Variants in NAA60 observed in about 807,000 individuals in gnomAD.
The protein encoded by NAA60 is N-alpha-acetyltransferase 60.
In NAA60, 8 loss-of-function variants were observed where a neutral mutation model predicts 26.1. That is an observed-to-expected ratio of 0.31 (90% CI 0.18 to 0.55). NAA60 has a LOEUF of 0.55. Among genes scored for constraint, NAA60 ranks in the 20% least tolerant of loss-of-function variants. The pLI is 0.93. For synonymous variants in NAA60, 131 were observed against 122.5 expected (o/e 1.07, Z -0.46); for missense variants, 290 against 311.3 (o/e 0.93, Z 0.51).
Position 3,484,584 on chromosome 16 carries a change from G to A in NAA60, c.573-115G>A, listed in dbSNP as rs186904998. ...GAGGCTTAGCGGGCTCTCAGCCTCC[G>A]AAGCCTGGCTTGCCATCTGCACACA... On this transcript the variant is annotated intron_variant, in intron 6 of 7. Coordinates refer to ENST00000407558, the MANE Select transcript of NAA60 (RefSeq NM_001083601.3). The A allele has an allele frequency of 8.3e-4, 1,157 of 1,391,376 alleles. 1 individual carries two copies. The African/African-American group carries it at 8.5e-3, about 10-fold the overall frequency. The allele number at this position is 1,391,376 out of a possible 1,614,324, so 86.2% of individuals were successfully genotyped here.
At position 3,485,911 on chromosome 16, in the gene NAA60, C is replaced by T. The variant is rs980347040; in HGVS notation, c.*651C>T. 20 of 351,090 alleles carry T rather than the reference C, an allele frequency of 5.7e-5. No individual in the cohort carries two copies. The highest frequency in any genetic ancestry group is 1.9e-4 in the Admixed American group (5 of 26,154). The allele number at this position is 351,090 out of a possible 1,614,324, so 21.7% of individuals were successfully genotyped here. On this transcript the variant is annotated 3_prime_UTR_variant, in exon 8 of 8. Coordinates refer to ENST00000407558, the MANE Select transcript of NAA60 (RefSeq NM_001083601.3). ...TGGCACAGGCGGTCACGCATCAGGA[C>T]GGTTCCTACTCCTCAGCACCTTCCG...
chr16:3,463,842 A>G (rs2035572771), intron 2 of NAA60, among the ~76,000 whole-genome samples: 1 of 152,156 alleles, frequency 6.6e-6, no homozygotes, highest in South Asian at 2.1e-4. Context: ...CCTGTCTCTT[A>G]GAGAAAGAAA....
intron 2 of NAA60, among the ~76,000 whole-genome samples, chr16:3,458,346 C>A (rs1020340955): frequency 2.0e-5 from 3 of 151,472 alleles, no homozygotes; most frequent in Non-Finnish European, 4.4e-5. Context: ...GCGCACGGTC[C>A]TCCCGGGAGC....
At chr16:3,465,075 G>T (rs1021384252) in intron 2 of NAA60, among the ~76,000 whole-genome samples, 2 of 150,452 alleles carry the variant, frequency 1.3e-5, no homozygotes, top group Non-Finnish European at 2.9e-5. Flanking sequence ...AGACCATCCT[G>T]GCTAACAGGG....
chr16:3,485,817 G>T lies in NAA60; in HGVS notation c.*557G>T, dbSNP rs577460575. On this transcript the variant is annotated 3_prime_UTR_variant, in exon 8 of 8. Transcript: ENST00000407558. The stretch of plus-strand genomic sequence containing the variant: ...GAGTGGCCCCCACTCCTCCATGAGG[G>T]GCTGATGAGGGGTGGGCAGCCTGGG... 4 of 377,164 alleles carry T rather than the reference G, an allele frequency of 1.1e-5. No homozygotes were observed. In the East Asian group the frequency reaches 2.9e-4, roughly 28 times the overall value. The allele number at this position is 377,164 out of a possible 1,614,324, so 23.4% of individuals were successfully genotyped here. A position where few individuals can be genotyped will look rare whatever the true frequency, so the allele number is the denominator to read the frequency against.
intron 3 of NAA60, among the ~76,000 whole-genome samples, chr16:3,478,689 G>C (rs1028616111): frequency 1.3e-5 from 2 of 152,146 alleles, no homozygotes; most frequent in Admixed American, 1.3e-4. Context: ...TTCCCCTTAA[G>C]GGCGGGTTCC....
At chr16:3,461,970 C>T (rs932333602) in intron 2 of NAA60, among the ~76,000 whole-genome samples, 5 of 151,244 alleles carry the variant, frequency 3.3e-5, no homozygotes, top group African/African-American at 1.2e-4. Flanking sequence ...ATCTGTCATC[C>T]CAGCTACTTG....
At position 3,443,756 on chromosome 16, in the gene NAA60, A is replaced by C; in HGVS notation, c.-158A>C. ...TGAAGTAGAGTCTTAGGGTGACCCCAGGGGGACGTAATGTTTCCGAGAAGA... is the reference window on the plus strand; with the variant it reads ...TGAAGTAGAGTCTTAGGGTGACCCCCGGGGGACGTAATGTTTCCGAGAAGA... On this transcript the variant is annotated 5_prime_UTR_variant, in exon 1 of 8. Transcript: ENST00000407558. The C allele has an allele frequency of 6.5e-7, 1 of 1,533,058 alleles. No individual in the cohort carries two copies. The highest frequency in any genetic ancestry group is 8.7e-7 in the Non-Finnish European group (1 of 1,145,418). The allele number at this position is 1,533,058 out of a possible 1,614,324, so 95.0% of individuals were successfully genotyped here. A position where few individuals can be genotyped will look rare whatever the true frequency, so the allele number is the denominator to read the frequency against.
intron 2 of NAA60, among the ~76,000 whole-genome samples, chr16:3,467,508 C>T (rs868054785): frequency 2.6e-5 from 4 of 152,088 alleles, no homozygotes; most frequent in Non-Finnish European, 4.4e-5. Context: ...AGGAGTCCCC[C>T]GTGGACTTGG....
Position 3,484,692 on chromosome 16 carries a change from G to A in NAA60, c.573-7G>A, listed in dbSNP as rs1271475288. The A allele has an allele frequency of 1.9e-6, 3 of 1,584,892 alleles. No homozygotes were observed. Among genetic ancestry groups the A allele is most frequent in the Non-Finnish European group, 1.7e-6 (2 of 1,166,770 alleles). ...GCAAGTCGGAATCTTCCTTAACAGAGCCCCACGGACTACATCCAGCACCTG... is the reference window on the plus strand; with the variant it reads ...GCAAGTCGGAATCTTCCTTAACAGAACCCCACGGACTACATCCAGCACCTG... On this transcript the variant is annotated splice_polypyrimidine_tract_variant and splice_region_variant and intron_variant, in intron 6 of 7. Coordinates refer to ENST00000407558, the MANE Select transcript of NAA60 (RefSeq NM_001083601.3).
intron 3 of NAA60, among the ~76,000 whole-genome samples, chr16:3,478,953 G>T (rs971737872): frequency 1.3e-5 from 2 of 152,002 alleles, no homozygotes; most frequent in African/African-American, 4.8e-5. Context: ...TATTTTTCCC[G>T]GGCCAGGCGC....
chr16:3,482,698 C>A, intron 5 of NAA60, 100 bp downstream of exon 5: 1 of 831,356 alleles, frequency 1.2e-6, no homozygotes. Flanking sequence ...GCCCCAACAA[C>A]TCTGGCTCGT....
intron 2 of NAA60, among the ~76,000 whole-genome samples, chr16:3,466,240 C>T (rs149154201): frequency 3.4e-4 from 52 of 152,340 alleles, no homozygotes; most frequent in Non-Finnish European, 7.1e-4. Flanking sequence ...AGATATGCAT[C>T]GAGTTGTATG....
In NAA60 at chr16:3,483,395, A is replaced by C; in HGVS notation, c.370A>C (p.Ile124Leu). Residue 124 changes from isoleucine (I) to leucine (L), a missense_variant, in exon 6 of 8, where the codon ATA becomes CTA. Coordinates refer to ENST00000407558, the MANE Select transcript of NAA60 (RefSeq NM_001083601.3). Reference sequence around the variant, plus strand: ...CTTACTTGAAAGTTTAAAGGATCACATATCAACCACCGCCCAGGACCACTG... The same window carrying C: ...CTTACTTGAAAGTTTAAAGGATCACCTATCAACCACCGCCCAGGACCACTG... ...SLLLESLKDH[I>L]STTAQDHCKA... 6.2e-7 allele frequency: 1 copy of C among 1,613,326 alleles called. No homozygotes were observed.
chr16:3,446,835 T>C (rs529951580), intron 1 of NAA60, among the ~76,000 whole-genome samples: 2 of 152,248 alleles, frequency 1.3e-5, no homozygotes, highest in Admixed American at 1.3e-4. Flanking sequence ...GGTCTCAAAC[T>C]CCTGGCCTCA....
rs2034654722 is a variant in NAA60 at position 3,448,772 on chromosome 16, C to T, written c.-7+232C>T. On this transcript the variant is annotated intron_variant, in intron 2 of 7. Coordinates refer to ENST00000407558, the MANE Select transcript of NAA60 (RefSeq NM_001083601.3). ...GGATACAGTACAAGTATGCCAGCCT[C>T]TTTAAACTATAAAGAAGTAAACAAG... 2.6e-5 allele frequency: 11 copies of T among 422,496 alleles called. No individual in the cohort carries two copies. In the South Asian group the frequency reaches 3.1e-4, roughly 12 times the overall value. 26.2% of individuals were successfully genotyped at this position (422,496 alleles called of 1,614,324 possible). A position where few individuals can be genotyped will look rare whatever the true frequency, so the allele number is the denominator to read the frequency against.
At chr16:3,483,050 G>T in intron 5 of NAA60, 1 of 502,630 alleles carries the variant, frequency 2.0e-6, no homozygotes, top group East Asian at 3.6e-5. Context: ...TTAAACCCAG[G>T]CCCATCTAGT....
intron 4 of NAA60, among the ~76,000 whole-genome samples, chr16:3,481,389 C>T (rs1019407951): frequency 1.3e-5 from 2 of 152,176 alleles, no homozygotes; most frequent in Non-Finnish European, 2.9e-5. Flanking sequence ...CCAGCCTGAT[C>T]TCTCTTGTTA....
chr16:3,458,197 G>T (rs1449095146), intron 2 of NAA60: 1 of 984,516 alleles, frequency 1.0e-6, no homozygotes, highest in African/African-American at 1.8e-5. Context: ...GTGGCGGGGG[G>T]CGGCCGCCGG....
Sources: allele counts gnomAD v4.1 joint callset (sites outside exome capture counted in the v4.1 genomes callset), GRCh38; gene constraint gnomAD v4.1.1; transcripts MANE v1.5; gene names NCBI Gene and HGNC (gene_info 2026-07-23, HGNC 2026-07-21).